Variants in PRAMEF19 observed in about 807,000 individuals in gnomAD.
The protein encoded by PRAMEF19 is PRAME family member-like.
Under a neutral mutation model 33.1 loss-of-function variants are expected in PRAMEF19, and 21 were observed. The observed-to-expected ratio is 0.63, with a 90% CI of 0.45 to 0.91. The LOEUF (loss-of-function observed/expected upper bound fraction) is 0.91, where lower values mean the gene tolerates loss of function less well. Among genes scored for constraint, PRAMEF19 ranks in the 40% least tolerant of loss-of-function variants. The pLI is 0.00. For synonymous variants in PRAMEF19, 179 were observed against 229.3 expected (o/e 0.78, Z 1.98); for missense variants, 481 against 585.2 (o/e 0.82, Z 1.84).
chr1:13,369,034 C>T, downstream of PRAMEF19: 1 of 1,611,712 alleles, frequency 6.2e-7, no homozygotes, highest in South Asian at 1.1e-5. Context: ...TTTCCAAGTG[C>T]CTGGAGAAAA....
exon 3 of PRAMEF19, chr1:13,369,149 C>A: frequency 6.2e-7 from 1 of 1,611,898 alleles, no homozygotes; most frequent in Admixed American, 1.7e-5. Flanking sequence ...GGAGACGGGA[C>A]CAAAGAAGAT....
At chr1:13,370,269 A>G (rs1329154281) in intron 2 of PRAMEF19, among the ~76,000 whole-genome samples, 6 of 152,282 alleles carry the variant, frequency 3.9e-5, no homozygotes, top group African/African-American at 1.4e-4. Context: ...CCTCTTTTTT[A>G]TCATATTAAC....
At position 13,370,965 on chromosome 1, in the gene PRAMEF19, T is replaced by G; in HGVS notation, c.550A>C (p.Lys184Gln). 1.9e-6 allele frequency: 3 copies of G among 1,612,558 alleles called. No individual in the cohort carries two copies. The East Asian group carries it at 6.7e-5, about 36-fold the overall frequency. Reference sequence around the variant, plus strand: ...ATGTTCATTGAATAATTTACCACCTTAGTACAGCACAGGTGTACTGAACGT... The same window carrying G: ...ATGTTCATTGAATAATTTACCACCTGAGTACAGCACAGGTGTACTGAACGT... Residue 184 changes from lysine (K) to glutamine (Q), a missense_variant, in exon 2 of 3, where the codon AAG becomes CAG. Physicochemically the swap from Lys to Gln is moderately conservative, Grantham distance 53. Around this residue, in one of 3 missense-constraint regions of PRAMEF19, gnomAD observed 392 missense variants for 397.5 expected, o/e 0.99. Transcript: ENST00000376101.
At chr1:13,370,439 C>T (rs1200764163) in intron 2 of PRAMEF19, among the ~76,000 whole-genome samples, 158 of 152,242 alleles carry the variant, frequency 1.0e-3, no homozygotes, top group African/African-American at 3.5e-3. Flanking sequence ...CTCTCTGTAG[C>T]GTCTATGCCA....
intron 2 of PRAMEF19, 61 bp downstream of exon 2, chr1:13,370,588 T>G (rs1211472263): frequency 0.05 from 80,477 of 1,598,872 alleles, 3,213 homozygotes; most frequent in East Asian, 0.25. Flanking sequence ...TGACTAGTGT[T>G]TACTGTAACA....
exon 2 of PRAMEF19, chr1:13,371,051 A>T: frequency 6.2e-7 from 1 of 1,611,958 alleles, no homozygotes; most frequent in Non-Finnish European, 8.5e-7. Context: ...TTTTTCCTTG[A>T]GGCAAACATC....
upstream of PRAMEF19, chr1:13,371,913 G>A: frequency 6.2e-7 from 1 of 1,611,632 alleles, no homozygotes; most frequent in Non-Finnish European, 8.5e-7. Context: ...TGATAAATCT[G>A]CAAGAAAAAT....
chr1:13,370,606 G>A, intron 2 of PRAMEF19, 43 bp downstream of exon 2: 1 of 1,611,904 alleles, frequency 6.2e-7, no homozygotes, highest in Non-Finnish European at 8.5e-7. Context: ...ACAAAAAAAG[G>A]CTGTGCTGTG....
intron 2 of PRAMEF19, 79 bp downstream of exon 2, chr1:13,370,570 G>A: frequency 6.4e-7 from 1 of 1,573,606 alleles, no homozygotes; most frequent in Non-Finnish European, 8.7e-7. Flanking sequence ...CTGGCACACA[G>A]TAGATGCTGA....
At chr1:13,369,311 C>A (rs752845494) in exon 3 of PRAMEF19, 29 of 1,611,934 alleles carry the variant, frequency 1.8e-5, no homozygotes, top group Non-Finnish European at 2.5e-5. Flanking sequence ...GCCTGTGTGG[C>A]GCAGCAGGTC....
At chr1:13,371,520 T>G in intron 1 of PRAMEF19, 94 bp downstream of exon 1, 1 of 1,588,462 alleles carries the variant, frequency 6.3e-7, no homozygotes, top group Non-Finnish European at 8.6e-7. Context: ...ACTGGCACCA[T>G]CAGAAGCCCC....
chr1:13,369,119 G>A, exon 3 of PRAMEF19: 3 of 1,611,998 alleles, frequency 1.9e-6, no homozygotes, highest in South Asian at 2.2e-5. Flanking sequence ...CTCAGTGGGT[G>A]ACATGCCACA....
chr1:13,370,093 G>T (rs1299129614), intron 2 of PRAMEF19, among the ~76,000 whole-genome samples: 3 of 152,162 alleles, frequency 2.0e-5, no homozygotes, highest in Admixed American at 6.5e-5. Flanking sequence ...CCAGAAGCAC[G>T]CATTTCCCAT....
At chr1:13,371,589 G>T (rs1247606192) in intron 1 of PRAMEF19, 25 bp downstream of exon 1, 1 of 1,610,528 alleles carries the variant, frequency 6.2e-7, no homozygotes, top group Non-Finnish European at 8.5e-7. Context: ...GGACACCTGG[G>T]CCCTCCCCAC....
At chr1:13,370,683 G>C in exon 2 of PRAMEF19, 1 of 1,613,862 alleles carries the variant, frequency 6.2e-7, no homozygotes, top group Non-Finnish European at 8.5e-7. Flanking sequence ...TCGAAGAAGC[G>C]GATCCTTCTC....
At chr1:13,369,478 C>G (rs1640643617) in exon 3 of PRAMEF19, 3 of 1,613,980 alleles carry the variant, frequency 1.9e-6, no homozygotes, top group Admixed American at 1.7e-5. Flanking sequence ...CTTTCTCTAG[C>G]AGAGCTCGGA....
rs1640664468 is a variant in PRAMEF19 at position 13,370,966 on chromosome 1, AG to A, written c.548del (p.Thr183IlefsTer4). ...TGTTCATTGAATAATTTACCACCTT[AG>A]TACAGCACAGGTGTACTGAACGTCT... On this transcript the variant is annotated frameshift_variant, in exon 2 of 3. Transcript: ENST00000376101. LOFTEE classifies it high-confidence loss of function. 5 of 1,612,494 alleles carry A rather than the reference AG, an allele frequency of 3.1e-6. No homozygotes were observed. The African/African-American group carries it at 4.0e-5, about 13-fold the overall frequency.
intron 1 of PRAMEF19, among the ~76,000 whole-genome samples, 175 bp downstream of exon 1, chr1:13,371,439 T>C (rs1486552671): frequency 6.6e-6 from 1 of 151,368 alleles, no homozygotes; most frequent in Non-Finnish European, 1.5e-5. Flanking sequence ...GTTTCCTCAG[T>C]GGACCCTGTA....
exon 2 of PRAMEF19, chr1:13,370,649 C>T: frequency 3.1e-6 from 5 of 1,613,934 alleles, no homozygotes; most frequent in Non-Finnish European, 4.2e-6. Context: ...CTTTCCTCAC[C>T]TGATCAGCTG....
Sources: gnomAD v4.1 joint callset for allele counts (sites outside exome capture counted in the v4.1 genomes callset) on GRCh38, gnomAD v4.1.1 for gene constraint, gnomAD v4.1.1 regional missense constraint, MANE v1.5 for transcripts, NCBI Gene and HGNC (gene_info 2026-07-23, HGNC 2026-07-21) for gene names.